Variants in MANBAL observed in about 807,000 individuals in gnomAD.
MANBAL encodes the protein mannosidase beta like.
MANBAL carries 1 observed loss-of-function variant against 6.4 expected under a neutral mutation model. The observed-to-expected ratio is 0.16, with a 90% CI of 0.06 to 0.74. MANBAL has a LOEUF of 0.74. Ranked by LOEUF, MANBAL falls within the 30% of genes least tolerant of loss-of-function variation. The probability of loss-of-function intolerance (pLI) is 0.78; values close to 1 mark genes in which losing one functional copy is unlikely to be tolerated. For synonymous variants in MANBAL, 47 were observed against 45.8 expected, an observed-to-expected ratio of 1.03 and a Z score of -0.10; for missense variants, 100 against 107.8, an observed-to-expected ratio of 0.93 and a Z score of 0.32.
At chr20:37,296,617 A>G (rs1045289710) in intron 1 of MANBAL, among the ~76,000 whole-genome samples, 16 of 152,178 alleles carry the variant, frequency 1.1e-4, no homozygotes, top group African/African-American at 3.9e-4. Context: ...CCTGTTTTTC[A>G]GTATTATGAA....
Position 37,292,341 on chromosome 20 carries a change from G to A in MANBAL, c.-57+2655G>A, listed in dbSNP as rs1032051322. On this transcript the variant is annotated intron_variant, in intron 1 of 2. Transcript: ENST00000373606. Reference sequence around the variant, plus strand: ...TTTTGAGACAGGGTCTCCCGCTGTCGCCCAGGCTGGAGTGCAGTGGTGCAG... The same window carrying A: ...TTTTGAGACAGGGTCTCCCGCTGTCACCCAGGCTGGAGTGCAGTGGTGCAG... Among the ~76,000 whole-genome samples, 14 of 152,206 alleles carry A rather than the reference G, an allele frequency of 9.2e-5. No individual in the cohort carries two copies. The East Asian group carries it at 1.5e-3, about 17-fold the overall frequency.
intron 2 of MANBAL, 138 bp from the exon 3 acceptor site, chr20:37,316,170 G>T: frequency 1.3e-6 from 1 of 757,290 alleles, no homozygotes; most frequent in Non-Finnish European, 2.1e-6. Context: ...ACATCCGTGT[G>T]GGTGGTAGGT....
chr20:37,298,438 G>A (rs949137884), intron 1 of MANBAL, among the ~76,000 whole-genome samples: 1 of 151,988 alleles, frequency 6.6e-6, no homozygotes, highest in Non-Finnish European at 1.5e-5. Context: ...TCTACTTTCT[G>A]TCTCTGAATT....
At chr20:37,295,146 C>A (rs556882177) in intron 1 of MANBAL, among the ~76,000 whole-genome samples, 3 of 152,108 alleles carry the variant, frequency 2.0e-5, no homozygotes, top group African/African-American at 7.2e-5. Flanking sequence ...TCCTCCTTGT[C>A]GTTAAATGAT....
intron 2 of MANBAL, chr20:37,302,253 T>C: frequency 1.9e-6 from 3 of 1,550,662 alleles, no homozygotes; most frequent in Non-Finnish European, 2.6e-6. Context: ...AACGTGTTTC[T>C]CTGTTCCCTG....
chr20:37,300,732 A>G (rs1281817321), intron 1 of MANBAL, among the ~76,000 whole-genome samples: 2 of 152,254 alleles, frequency 1.3e-5, no homozygotes, highest in African/African-American at 4.8e-5. Flanking sequence ...GATACACAGA[A>G]AAGTTGAAAG....
chr20:37,297,407 A>G (rs927720740), intron 1 of MANBAL: 7 of 152,198 alleles, frequency 4.6e-5, no homozygotes, highest in African/African-American at 1.7e-4. Context: ...GGCTGGGAAG[A>G]AAAAGAGCCT....
At chr20:37,312,504 A>C (rs2069411718) in intron 2 of MANBAL, among the ~76,000 whole-genome samples, 1 of 152,210 alleles carries the variant, frequency 6.6e-6, no homozygotes, top group Admixed American at 6.5e-5. Flanking sequence ...GCCTTAGGCA[A>C]GTCATATGAC....
chr20:37,299,972 G>GCACCACTGGC (rs912596022), intron 1 of MANBAL, among the ~76,000 whole-genome samples: 1 of 152,164 alleles, frequency 6.6e-6, no homozygotes, highest in Admixed American at 6.5e-5. Context: ...GCTGGACCTT[G>GCACCACTGGC]CACCACTGGC....
At chr20:37,311,912 G>A (rs2069397887) in intron 2 of MANBAL, among the ~76,000 whole-genome samples, 1 of 152,240 alleles carries the variant, frequency 6.6e-6, no homozygotes, top group Non-Finnish European at 1.5e-5. Flanking sequence ...GGGCCGGCAG[G>A]GGACCTGGGT....
Position 37,317,057 on chromosome 20 carries a change from T to C in MANBAL, c.*642T>C, listed in dbSNP as rs896115662. On this transcript the variant is annotated 3_prime_UTR_variant, in exon 3 of 3. Transcript: ENST00000373606. ...GGATTTGGCTGAAGGCGTGCATATT[T>C]CCTGGGCACAAACTTCCTGAGCCTC... 6.6e-6 allele frequency: 1 copy of C among 152,542 alleles called. No individual in the cohort carries two copies. The highest frequency in any genetic ancestry group is 1.5e-5 in the Non-Finnish European group (1 of 68,072). 9.4% of individuals were successfully genotyped at this position (152,542 alleles called of 1,614,324 possible). A position where few individuals can be genotyped will look rare whatever the true frequency, so the allele number is the denominator to read the frequency against.
intron 2 of MANBAL, among the ~76,000 whole-genome samples, chr20:37,307,900 A>G (rs1429673062): frequency 1.1e-4 from 16 of 152,204 alleles, no homozygotes; most frequent in Admixed American, 1.0e-3. Flanking sequence ...GTTTCCGTGC[A>G]ATGTAGATAG....
chr20:37,304,425 T>C (rs2069210517), intron 2 of MANBAL, among the ~76,000 whole-genome samples: 1 of 152,238 alleles, frequency 6.6e-6, no homozygotes, highest in African/African-American at 2.4e-5. Context: ...CCTTCCCACA[T>C]AGTTAACAGT....
At position 37,306,016 on chromosome 20, in the gene MANBAL, T is replaced by C. The variant is rs915415137; in HGVS notation, c.150+4603T>C. Among the ~76,000 whole-genome samples, 3 of 151,914 alleles carry C rather than the reference T, an allele frequency of 2.0e-5. 1 individual carries two copies. The South Asian group carries it at 6.2e-4, about 32-fold the overall frequency. ...TTTTAACATGGGGACGGGGTACTCT[T>C]AGGGAGAAAGGGAGCCCATGGGAGT... On this transcript the variant is annotated intron_variant, in intron 2 of 2. Coordinates refer to ENST00000373606, the MANE Select transcript of MANBAL (RefSeq NM_001003897.2).
intron 1 of MANBAL, among the ~76,000 whole-genome samples, chr20:37,291,970 A>G (rs887912731): frequency 6.6e-6 from 1 of 152,204 alleles, no homozygotes; most frequent in African/African-American, 2.4e-5. Context: ...GACTAATCCA[A>G]CCACAGAAGT....
intron 2 of MANBAL, among the ~76,000 whole-genome samples, chr20:37,311,627 A>C (rs1568604226): frequency 6.6e-6 from 1 of 152,154 alleles, no homozygotes; most frequent in South Asian, 2.1e-4. Flanking sequence ...AGCTGGGATT[A>C]CAGGCATGCA....
chr20:37,299,111 C>T (rs1454262889), intron 1 of MANBAL, among the ~76,000 whole-genome samples: 3 of 151,952 alleles, frequency 2.0e-5, no homozygotes, highest in Admixed American at 1.3e-4. Context: ...GGCAGGGTCT[C>T]GCTCTGTCAC....
chr20:37,314,616 G>T (rs574509372), intron 2 of MANBAL, among the ~76,000 whole-genome samples: 183 of 152,288 alleles, frequency 1.2e-3, no homozygotes, highest in African/African-American at 4.2e-3. Context: ...TTTGATTTTT[G>T]GTGGGAGGAG....
intron 1 of MANBAL, among the ~76,000 whole-genome samples, chr20:37,291,365 C>A (rs1009132067): frequency 8.5e-5 from 13 of 152,138 alleles, no homozygotes; most frequent in Admixed American, 5.9e-4. Context: ...TTAGTTTTTC[C>A]CTAATGTCCT....
Sources: gnomAD v4.1 joint callset for allele counts (sites outside exome capture counted in the v4.1 genomes callset) on GRCh38, gnomAD v4.1.1 for gene constraint, MANE v1.5 for transcripts, NCBI Gene and HGNC (gene_info 2026-07-23, HGNC 2026-07-21) for gene names.